CSK: variants seen among roughly 807,000 people sequenced by gnomAD.
CSK encodes the protein C-terminal Src kinase.
In CSK, 7 loss-of-function variants were observed where a neutral mutation model predicts 62.3. The ratio of observed to expected loss-of-function variants is 0.11; its 90% CI spans 0.06 to 0.21. The LOEUF (loss-of-function observed/expected upper bound fraction) is 0.21. Among genes scored for constraint, CSK ranks in the 10% least tolerant of loss-of-function variants. The pLI, the probability that CSK is intolerant of heterozygous loss-of-function variation, is 1.00. For synonymous variants in CSK, 237 were observed against 246.0 expected (o/e 0.96, Z 0.34); for missense variants, 294 against 613.5 (o/e 0.48, Z 5.50).
At chr15:74,799,079 A>G in intron 4 of CSK, 141 bp downstream of exon 4, 1 of 969,758 alleles carries the variant, frequency 1.0e-6, no homozygotes, top group South Asian at 1.7e-5. Context: ...CGGGTGCGGG[A>G]CCTCACAGAG....
intron 1 of CSK, among the ~76,000 whole-genome samples, chr15:74,784,415 A>T (rs1007598892): frequency 2.7e-5 from 4 of 150,812 alleles, no homozygotes; most frequent in Non-Finnish European, 4.4e-5. Flanking sequence ...ATTTTATTTT[A>T]TTTTTTTACC....
At chr15:74,787,329 G>C (rs1163106668) in intron 1 of CSK, among the ~76,000 whole-genome samples, 1 of 152,168 alleles carries the variant, frequency 6.6e-6, no homozygotes, top group Non-Finnish European at 1.5e-5. Flanking sequence ...CCTGCTCCTC[G>C]GGATCAGAAG....
Position 74,784,763 on chromosome 15 carries a change from C to T in CSK, c.-66+2043C>T, listed in dbSNP as rs547771045. ...CAGGATCCACAGTGTGACATGGCTG[C>T]CCCCCAAAGGGGGCAGACCCACCTG... On this transcript the variant is annotated intron_variant, in intron 1 of 12. Transcript: ENST00000220003. 1.8e-3 allele frequency among the ~76,000 whole-genome samples: 270 copies of T among 152,306 alleles called. 2 individuals carry two copies. Among genetic ancestry groups the T allele is most frequent in the East Asian group, 1.4e-3 (7 of 5,184 alleles).
At chr15:74,797,938 G>C (rs1181734500) in intron 1 of CSK, 1 of 213,294 alleles carries the variant, frequency 4.7e-6, no homozygotes, top group African/African-American at 2.3e-5. Context: ...ACCAGGCCTG[G>C]GGCTGACGGT....
At chr15:74,794,494 T>C (rs1051173817) in intron 1 of CSK, among the ~76,000 whole-genome samples, 1 of 152,130 alleles carries the variant, frequency 6.6e-6, no homozygotes, top group Admixed American at 6.5e-5. Flanking sequence ...TGGGCCTCAG[T>C]GTCCCTGCCT....
chr15:74,797,709 A>T (rs1459223979), intron 1 of CSK, among the ~76,000 whole-genome samples: 1 of 150,724 alleles, frequency 6.6e-6, no homozygotes, highest in African/African-American at 2.4e-5. Flanking sequence ...AAAGCATGCC[A>T]CTTGTAGCCC....
intron 1 of CSK, among the ~76,000 whole-genome samples, chr15:74,797,575 G>A (rs779112155): frequency 2.4e-4 from 37 of 152,318 alleles, no homozygotes; most frequent in Non-Finnish European, 3.7e-4. Flanking sequence ...GTTGGAGTTT[G>A]TGTTGGAGTT....
chr15:74,797,408 T>C (rs988867839), intron 1 of CSK, among the ~76,000 whole-genome samples: 1 of 152,112 alleles, frequency 6.6e-6, no homozygotes, highest in Non-Finnish European at 1.5e-5. Flanking sequence ...ATACAAAAAT[T>C]AGCTGGTTGT....
At chr15:74,801,650 A>G (rs764845329) in intron 10 of CSK, 45 bp from the exon 11 acceptor site, 6 of 1,610,230 alleles carry the variant, frequency 3.7e-6, no homozygotes, top group South Asian at 3.3e-5. Flanking sequence ...CTGCCCTGCT[A>G]TGGGAGCCCC....
rs879781107 is a variant in CSK, at chr15:74,798,187, G to A, written c.-65-46G>A. 35 of 1,218,656 alleles carry A rather than the reference G, an allele frequency of 2.9e-5. 2 individuals carry two copies. The Admixed American group carries it at 4.9e-4, about 17-fold the overall frequency. The allele number at this position is 1,218,656 out of a possible 1,614,324, so 75.5% of individuals were successfully genotyped here. A position where few individuals can be genotyped will look rare whatever the true frequency, so the allele number is the denominator to read the frequency against. ...AGGAGCCAGATCTCAGCAGTTGGGG[G>A]GCATTTCTTCACACCCCTCCTCAGT... On this transcript the variant is annotated intron_variant, in intron 1 of 12. Coordinates refer to ENST00000220003, the MANE Select transcript of CSK (RefSeq NM_004383.3). The surrounding 1 kb of genome is among the most constrained non-coding windows in gnomAD (Gnocchi z 6.6).
Position 74,802,786 on chromosome 15 carries a change from CCTT to C in CSK, c.*277_*279del, listed in dbSNP as rs934789144. 1.9e-4 allele frequency: 78 copies of C among 416,628 alleles called. No individual in the cohort carries two copies. The highest frequency in any genetic ancestry group is 1.2e-3 in the Middle Eastern group (2 of 1,628). The allele number at this position is 416,628 out of a possible 1,614,324, so 25.8% of individuals were successfully genotyped here. On this transcript the variant is annotated 3_prime_UTR_variant, in exon 13 of 13. Coordinates refer to ENST00000220003, the MANE Select transcript of CSK (RefSeq NM_004383.3). ...GGCTTCCCTGGCCTCCCGCCACTCGCCTTCTTAGAGTTTTATTCCTTTCCTTTT... is the reference window on the plus strand; with the variant it reads ...GGCTTCCCTGGCCTCCCGCCACTCGCCTTAGAGTTTTATTCCTTTCCTTTT...
intron 1 of CSK, among the ~76,000 whole-genome samples, chr15:74,796,677 G>A (rs1304650053): frequency 6.6e-6 from 1 of 152,030 alleles, no homozygotes; most frequent in African/African-American, 2.4e-5. Flanking sequence ...GTTCAAGTGT[G>A]CACTATACAC....
At chr15:74,783,606 T>A (rs1435931076) in intron 1 of CSK, among the ~76,000 whole-genome samples, 1 of 152,278 alleles carries the variant, frequency 6.6e-6, no homozygotes, top group East Asian at 1.9e-4. Context: ...CTTCACCCAC[T>A]GGGGACACAG....
At chr15:74,783,505 C>T (rs2063469394) in intron 1 of CSK, among the ~76,000 whole-genome samples, 1 of 152,212 alleles carries the variant, frequency 6.6e-6, no homozygotes, top group South Asian at 2.1e-4. Flanking sequence ...AGTTGCTACC[C>T]CAGGCCTCTA....
intron 4 of CSK, 117 bp from the exon 5 acceptor site, chr15:74,799,153 CAA>C: frequency 1.8e-6 from 2 of 1,142,266 alleles, no homozygotes; most frequent in African/African-American, 3.0e-5. Context: ...AAGAGGGCCT[CAA>C]ATGCCTGACT....
Position 74,798,319 on chromosome 15 carries a change from CA to C in CSK, c.15+8del. 1 of 1,586,226 alleles carries C rather than the reference CA, an allele frequency of 6.3e-7. No homozygotes were observed. Among genetic ancestry groups the C allele is most frequent in the Non-Finnish European group, 8.6e-7 (1 of 1,164,836 alleles). On this transcript the variant is annotated splice_region_variant and intron_variant, in intron 2 of 12. Coordinates refer to ENST00000220003, the MANE Select transcript of CSK (RefSeq NM_004383.3). The surrounding 1 kb of genome is among the most constrained non-coding windows in gnomAD (Gnocchi z 6.6). ...GAAGATGTCAGCAATACAGGTACCA[CA>C]GGGGTGAGGGTCTGGGACATGCAAG...
At chr15:74,800,389 A>C (rs772936161) in intron 5 of CSK, 23 bp from the exon 6 acceptor site, 1 of 1,609,936 alleles carries the variant, frequency 6.2e-7, no homozygotes, top group Non-Finnish European at 8.5e-7. Flanking sequence ...GTCTCTGAGC[A>C]CCCTGCCCCC....
intron 1 of CSK, among the ~76,000 whole-genome samples, chr15:74,794,815 C>T (rs535182777): frequency 6.6e-6 from 1 of 152,202 alleles, no homozygotes; most frequent in East Asian, 1.9e-4. Flanking sequence ...GCCGTCTCCT[C>T]CCCAGCTCCT....
intron 6 of CSK, 33 bp from the exon 7 acceptor site, chr15:74,800,648 G>C: frequency 6.5e-7 from 1 of 1,538,082 alleles, no homozygotes; most frequent in Non-Finnish European, 8.8e-7. Flanking sequence ...TGTCCCTAGT[G>C]GCCTCCAGGC....
Sources: gnomAD v4.1 joint callset for allele counts (sites outside exome capture counted in the v4.1 genomes callset) on GRCh38, gnomAD v4.1.1 for gene constraint, Gnocchi (gnomAD v3.1) non-coding constraint, MANE v1.5 for transcripts, NCBI Gene and HGNC (gene_info 2026-07-23, HGNC 2026-07-21) for gene names.